ANKRD30BL: variants seen among roughly 807,000 people sequenced by gnomAD.
The protein encoded by ANKRD30BL is ankyrin repeat domain 30B like.
A neutral mutation model predicts 18.4 loss-of-function variants in ANKRD30BL; 20 were observed. That is an observed-to-expected ratio of 1.09 (90% CI 0.77 to 1.58). The LOEUF (loss-of-function observed/expected upper bound fraction) is 1.58, where lower values mean the gene tolerates loss of function less well. Among genes scored for constraint, ANKRD30BL ranks in the 40% most tolerant of loss-of-function variants. The probability of loss-of-function intolerance (pLI) is 0.00; values close to 1 mark genes in which losing one functional copy is unlikely to be tolerated. For synonymous variants in ANKRD30BL, 72 were observed against 100.9 expected (o/e 0.71, Z 1.72); for missense variants, 224 against 268.6 (o/e 0.83, Z 1.16).
upstream of ANKRD30BL, among the ~76,000 whole-genome samples, chr2:132,162,839 G>T (rs1458018375): frequency 6.6e-6 from 1 of 152,236 alleles, no homozygotes; most frequent in Non-Finnish European, 1.5e-5. Context: ...CAGGTTCAGC[G>T]CCGCCTGGGC....
upstream of ANKRD30BL, among the ~76,000 whole-genome samples, chr2:132,162,790 C>T (rs1199363319): frequency 9.8e-5 from 15 of 152,392 alleles, no homozygotes; most frequent in Non-Finnish European, 2.1e-4. Context: ...GGTTTGCAGG[C>T]TCTGGGCACT....
intron 1 of ANKRD30BL, among the ~76,000 whole-genome samples, chr2:132,188,848 G>GATTCTACTACATACATCAGGCTTATTAA (rs1678783183): frequency 6.6e-6 from 1 of 152,116 alleles, no homozygotes; most frequent in African/African-American, 2.4e-5. Context: ...AGAAAAGATT[G>GATTCTACTACATACATCAGGCTTATTAA]GTTCTACTAC....
intron 1 of ANKRD30BL, chr2:132,257,041 C>T (rs201793747): frequency 7.7e-6 from 4 of 516,884 alleles, no homozygotes; most frequent in Admixed American, 5.9e-5. Context: ...AGGGAGGTAC[C>T]GCAGCGACCC....
chr2:132,165,995 T>G, upstream of ANKRD30BL, among the ~76,000 whole-genome samples: 1 of 152,154 alleles, frequency 6.6e-6, no homozygotes, highest in East Asian at 1.9e-4. Context: ...TTCACCTCAA[T>G]TCCTAGTTTT....
chr2:132,184,704 T>C (rs1688533567), intron 1 of ANKRD30BL, among the ~76,000 whole-genome samples: 1 of 147,170 alleles, frequency 6.8e-6, no homozygotes, highest in South Asian at 2.1e-4. Context: ...ATATCTTTCC[T>C]TTTTTTTTTC....
intron 1 of ANKRD30BL, among the ~76,000 whole-genome samples, chr2:132,243,657 C>T (rs140384676): frequency 8.6e-5 from 13 of 150,652 alleles, no homozygotes; most frequent in African/African-American, 2.2e-4. Flanking sequence ...ATGAAGCAGA[C>T]TGGAAACACT....
rs771855245 is a variant in ANKRD30BL, at chr2:132,150,898, A to G, written c.679+14T>C. 6.2e-5 allele frequency: 38 copies of G among 608,178 alleles called. No individual in the cohort carries two copies. The South Asian group carries it at 6.9e-4, about 11-fold the overall frequency. 37.7% of individuals were successfully genotyped at this position (608,178 alleles called of 1,614,324 possible). A position where few individuals can be genotyped will look rare whatever the true frequency, so the allele number is the denominator to read the frequency against. ...GTAGCACCACCAAGAGTAGTTTACT[A>G]TCAGAGGTCTTACCTGGATTACTAT... On this transcript the variant is annotated intron_variant, in intron 5 of 5. Coordinates refer to ENST00000409867, the MANE Select transcript of ANKRD30BL (RefSeq NM_001358416.1).
At chr2:132,250,913 G>A (rs1680632587) in intron 1 of ANKRD30BL, among the ~76,000 whole-genome samples, 6 of 151,754 alleles carry the variant, frequency 4.0e-5, no homozygotes. Context: ...TTCATTTTTG[G>A]GGGTCCAGTA....
chr2:132,229,244 C>T lies in ANKRD30BL; in HGVS notation n.441+28285G>A, dbSNP rs199523203. 6.6e-5 allele frequency among the ~76,000 whole-genome samples: 10 copies of T among 151,722 alleles called. No individual in the cohort carries two copies. The East Asian group carries it at 7.8e-4, about 12-fold the overall frequency. ...TTGTAGAATCTGCAAGTGGACCTTT[C>T]GAGTGCCTTCGGGTCTACCGTACAA... On this transcript the variant is annotated intron_variant and non_coding_transcript_variant, in intron 1 of 4. Coordinates refer to the ANKRD30BL transcript ENST00000470729.
At position 132,150,862 on chromosome 2, in the gene ANKRD30BL, A is replaced by G. The variant is rs531978899; in HGVS notation, c.679+50T>C. On this transcript the variant is annotated intron_variant, in intron 5 of 5. Coordinates refer to ENST00000409867, the MANE Select transcript of ANKRD30BL (RefSeq NM_001358416.1). ...TAGCTCTTTTGTGATTAACACTCCT[A>G]TAATCTTATGGTAGCACCACCAAGA... The G allele has an allele frequency of 4.8e-4, 278 of 574,990 alleles. 6 individuals carry two copies. The South Asian group carries it at 5.5e-3, about 11-fold the overall frequency. 35.6% of individuals were successfully genotyped at this position (574,990 alleles called of 1,614,324 possible).
rs537021757 is a variant in ANKRD30BL at position 132,186,316 on chromosome 2, A to T, written n.442-29170T>A. Among the ~76,000 whole-genome samples, 238 of 152,294 alleles carry T rather than the reference A, an allele frequency of 1.6e-3. 1 individual carries two copies. Among genetic ancestry groups the T allele is most frequent in the African/African-American group, 5.4e-3 (224 of 41,578 alleles). On this transcript the variant is annotated intron_variant and non_coding_transcript_variant, in intron 1 of 4. Coordinates refer to the ANKRD30BL transcript ENST00000470729. ...TTCTTGAAACTTATGGTTTGTTTTT[A>T]TGTTATGTTAGCAGGATATGTAAAT...
At chr2:132,248,887 T>C (rs1680574473) in intron 1 of ANKRD30BL, among the ~76,000 whole-genome samples, 1 of 152,164 alleles carries the variant, frequency 6.6e-6, no homozygotes, top group African/African-American at 2.4e-5. Context: ...ATGGTTCAAC[T>C]CTGTGAGATG....
intron 1 of ANKRD30BL, among the ~76,000 whole-genome samples, chr2:132,207,602 C>G (rs1323988079): frequency 6.6e-6 from 1 of 152,038 alleles, no homozygotes; most frequent in Non-Finnish European, 1.5e-5. Context: ...AAAGGGGTGA[C>G]CCTTTGACAG....
chr2:132,196,216 C>T (rs1048135415), intron 1 of ANKRD30BL, among the ~76,000 whole-genome samples: 25 of 152,022 alleles, frequency 1.6e-4, no homozygotes, highest in Admixed American at 5.2e-4. Context: ...TAGTGGCTTA[C>T]GCCTATAATC....
At chr2:132,201,140 C>T (rs1057213471) in intron 1 of ANKRD30BL, among the ~76,000 whole-genome samples, 12 of 152,046 alleles carry the variant, frequency 7.9e-5, no homozygotes, top group African/African-American at 2.7e-4. Context: ...ATACAAAAAT[C>T]AATTCAAGAT....
intron 1 of ANKRD30BL, among the ~76,000 whole-genome samples, chr2:132,218,577 T>C (rs1465062800): frequency 6.6e-6 from 1 of 152,276 alleles, no homozygotes; most frequent in African/African-American, 2.4e-5. Context: ...TTTTGCAGAA[T>C]CTCCAAGTGG....
intron 1 of ANKRD30BL, among the ~76,000 whole-genome samples, chr2:132,190,097 GGATTT>G (rs1306552969): frequency 1.3e-5 from 2 of 152,036 alleles, no homozygotes; most frequent in Non-Finnish European, 1.5e-5. Flanking sequence ...AGTTGCTGTA[GGATTT>G]ATTTGAGAAA....
At chr2:132,198,292 C>T (rs541679719) in intron 1 of ANKRD30BL, among the ~76,000 whole-genome samples, 20 of 11,366 alleles carry the variant, frequency 1.8e-3, no homozygotes, top group African/African-American at 3.5e-3. Flanking sequence ...TTCTTTCTTT[C>T]TTTCTTTCTT....
intron 1 of ANKRD30BL, among the ~76,000 whole-genome samples, chr2:132,193,254 C>T (rs1678896423): frequency 6.6e-6 from 1 of 152,184 alleles, no homozygotes; most frequent in Admixed American, 6.5e-5. Flanking sequence ...ACAGCCTGGA[C>T]TTTTATGTAT....
Sources: allele counts gnomAD v4.1 joint callset (sites outside exome capture counted in the v4.1 genomes callset), GRCh38; gene constraint gnomAD v4.1.1; transcripts MANE v1.5; gene names NCBI Gene and HGNC (gene_info 2026-07-23, HGNC 2026-07-21).